The following ESR1 variants were observed in gnomAD, a reference collection of about 807,000 sequenced individuals.
ESR1 encodes estrogen receptor 1.
In ESR1, 12 loss-of-function variants were observed where a neutral mutation model predicts 52.7. The ratio of observed to expected loss-of-function variants is 0.23; its 90% CI spans 0.15 to 0.37. ESR1 has a LOEUF of 0.37. ESR1 is among the 10% of genes least tolerant of loss of function. The probability of loss-of-function intolerance (pLI) is 1.00; values close to 1 mark genes in which losing one functional copy is unlikely to be tolerated. For synonymous variants in ESR1, 305 were observed against 316.8 expected, an observed-to-expected ratio of 0.96 and a Z score of 0.39; for missense variants, 584 against 779.7, an observed-to-expected ratio of 0.75 and a Z score of 2.99.
At chr6:152,028,403 A>G (rs2044350455) in intron 5 of ESR1, among the ~76,000 whole-genome samples, 1 of 152,180 alleles carries the variant, frequency 6.6e-6, no homozygotes, top group Non-Finnish European at 1.5e-5. Flanking sequence ...AGCCAAGGAA[A>G]GGGGTGACAG....
chr6:151,700,395 G>A (rs560990354), intron 1 of ESR1, among the ~76,000 whole-genome samples: 1 of 151,846 alleles, frequency 6.6e-6, no homozygotes, highest in Non-Finnish European at 1.5e-5. Flanking sequence ...AGCAATTTCT[G>A]TACCTCCTTA....
intron 3 of ESR1, among the ~76,000 whole-genome samples, chr6:151,941,601 C>G (rs931420684): frequency 3.3e-5 from 5 of 151,282 alleles, no homozygotes; most frequent in Non-Finnish European, 7.4e-5. Flanking sequence ...ATAGTACAAG[C>G]TCAGCATCGG....
At chr6:151,911,016 G>A (rs1160116457) in intron 3 of ESR1, among the ~76,000 whole-genome samples, 5 of 152,018 alleles carry the variant, frequency 3.3e-5, no homozygotes, top group Admixed American at 6.6e-5. Flanking sequence ...TAGGGTTTGC[G>A]CACCTATGAG....
intron 1 of ESR1, among the ~76,000 whole-genome samples, chr6:151,840,967 C>T (rs1398076741): frequency 1.3e-5 from 2 of 152,100 alleles, no homozygotes; most frequent in African/African-American, 4.8e-5. Context: ...AAGTCCTGGG[C>T]CAATATAACA....
chr6:151,806,557 T>TATATATATATATATATAC (rs1554259008), upstream of ESR1, among the ~76,000 whole-genome samples: 1,861 of 133,288 alleles, frequency 0.014, 50 homozygotes, highest in Non-Finnish European at 0.019. Flanking sequence ...TATATATATA[T>TATATATATATATATATAC]ACACATATAT....
chr6:151,741,724 T>C (rs768435996), intron 2 of ESR1, among the ~76,000 whole-genome samples: 14 of 152,186 alleles, frequency 9.2e-5, no homozygotes, highest in Non-Finnish European at 2.1e-4. Flanking sequence ...GAGATATATA[T>C]AGATAATAAA....
At chr6:151,982,721 A>G (rs1006355095) in intron 4 of ESR1, among the ~76,000 whole-genome samples, 1 of 151,900 alleles carries the variant, frequency 6.6e-6, no homozygotes, top group Non-Finnish European at 1.5e-5. Flanking sequence ...TTAATAATAT[A>G]TTCATTAATT....
rs2046830928 is a variant in ESR1, at chr6:152,053,281, C to T, written c.1236-7710C>T. ...CTTCTGACATTCAACATCTTGGTCG[C>T]TCCTATCCAGCCACACCTCTGACCA... On this transcript the variant is annotated intron_variant, in intron 5 of 7. Transcript: ENST00000206249. This position sits in a 1 kb window ranked among gnomAD's most constrained non-coding sequence, Gnocchi z 4.1. Among the ~76,000 whole-genome samples, 1 of 152,086 alleles carries T rather than the reference C, an allele frequency of 6.6e-6. No individual in the cohort carries two copies. Among genetic ancestry groups the T allele is most frequent in the Non-Finnish European group, 1.5e-5 (1 of 68,022 alleles).
Position 151,842,600 on chromosome 6 carries a change from A to G in ESR1, c.456A>G (p.Pro152=), listed in dbSNP as rs758203894. 2 of 1,613,216 alleles carry G rather than the reference A, an allele frequency of 1.2e-6. No individual in the cohort carries two copies. The highest frequency in any genetic ancestry group is 2.7e-5 in the African/African-American group (2 of 74,914). Residue 152 remains proline (P), a synonymous_variant, in exon 2 of 8, where the codon CCA becomes CCG. Transcript: ENST00000206249. ...TTTACTGTTTTTTTCCCCCCAGGCC[A>G]AATTCAGATAATCGACGCCAGGGTG... ...REAGPPAFYR[P]NSDNRRQGGR... is the part of the protein sequence containing the mutation.
intron 4 of ESR1, among the ~76,000 whole-genome samples, chr6:151,993,630 A>G (rs1271072306): frequency 3.3e-5 from 5 of 152,162 alleles, no homozygotes; most frequent in Non-Finnish European, 1.5e-5. Flanking sequence ...TTTCTGCCCT[A>G]CTATTCCTGA....
intron 6 of ESR1, among the ~76,000 whole-genome samples, chr6:152,071,160 G>A (rs896554797): frequency 2.6e-5 from 4 of 152,146 alleles, no homozygotes; most frequent in Non-Finnish European, 4.4e-5. Flanking sequence ...ATCAATAGTG[G>A]TAACAATTAG....
chr6:151,809,575 C>T (rs536193084), intron 1 of ESR1, among the ~76,000 whole-genome samples: 1 of 152,226 alleles, frequency 6.6e-6, no homozygotes, highest in South Asian at 2.1e-4. Context: ...CCTTGTAAGC[C>T]GTGGACCAGT....
chr6:151,948,401 G>A (rs2035953682), intron 4 of ESR1, among the ~76,000 whole-genome samples: 1 of 152,134 alleles, frequency 6.6e-6, no homozygotes, highest in African/African-American at 2.4e-5. Flanking sequence ...TTTATTGCCT[G>A]TTAAATACTT....
chr6:151,768,773 AC>A, intron 2 of ESR1, among the ~76,000 whole-genome samples: 1 of 152,308 alleles, frequency 6.6e-6, no homozygotes, highest in Middle Eastern at 3.4e-3. Context: ...AATATTTTGT[AC>A]CATTTTCTCA....
intron 5 of ESR1, among the ~76,000 whole-genome samples, chr6:152,029,933 A>G (rs1171780359): frequency 1.3e-5 from 2 of 152,264 alleles, no homozygotes. Flanking sequence ...TCAGACTAAC[A>G]GCGGATCTCT....
intron 1 of ESR1, among the ~76,000 whole-genome samples, chr6:151,682,882 G>A (rs906281385): frequency 6.6e-6 from 1 of 152,168 alleles, no homozygotes; most frequent in Non-Finnish European, 1.5e-5. Context: ...AACCAGGAGA[G>A]CCTACAAAAA....
chr6:151,798,928 T>G (rs1422330334), intron 2 of ESR1, among the ~76,000 whole-genome samples: 2 of 152,218 alleles, frequency 1.3e-5, no homozygotes, highest in African/African-American at 2.4e-5. Context: ...AAAAACAAAT[T>G]ATGTCTCTGA....
At chr6:151,826,550 T>C (rs909178777) in intron 1 of ESR1, among the ~76,000 whole-genome samples, 2 of 152,228 alleles carry the variant, frequency 1.3e-5, no homozygotes, top group African/African-American at 4.8e-5. Flanking sequence ...TTATTAACTT[T>C]GTTGACTTCC....
At chr6:151,815,428 A>C (rs897110314) in intron 1 of ESR1, among the ~76,000 whole-genome samples, 2 of 152,216 alleles carry the variant, frequency 1.3e-5, no homozygotes, top group Non-Finnish European at 2.9e-5. Context: ...AGCTCTTAGC[A>C]AAGTGCATGG....
Sources: allele counts gnomAD v4.1 joint callset (sites outside exome capture counted in the v4.1 genomes callset), GRCh38; gene constraint gnomAD v4.1.1; non-coding constraint Gnocchi (gnomAD v3.1); transcripts MANE v1.5; gene names NCBI Gene and HGNC (gene_info 2026-07-23, HGNC 2026-07-21).